Variants in ZNF804A observed in about 807,000 individuals in gnomAD.
The protein encoded by ZNF804A is zinc finger protein 804A.
Under a neutral mutation model 16.5 loss-of-function variants are expected in ZNF804A, and 2 were observed. That is an observed-to-expected ratio of 0.12 (90% CI 0.05 to 0.38). The LOEUF (loss-of-function observed/expected upper bound fraction) is 0.38, where lower values mean the gene tolerates loss of function less well. ZNF804A is among the 10% of genes least tolerant of loss of function. ZNF804A has a pLI of 0.99. For synonymous variants in ZNF804A, 534 were observed against 489.6 expected, an observed-to-expected ratio of 1.09 and a Z score of -1.20; for missense variants, 1,473 against 1,390.7, an observed-to-expected ratio of 1.06 and a Z score of -0.94.
chr2:184,877,483 A>G (rs1032052916), intron 2 of ZNF804A, among the ~76,000 whole-genome samples: 2 of 152,012 alleles, frequency 1.3e-5, no homozygotes, highest in Non-Finnish European at 2.9e-5. Flanking sequence ...TCAAGAACCA[A>G]ACCTTAAATT....
At chr2:184,837,273 A>G (rs1016924206) in intron 1 of ZNF804A, among the ~76,000 whole-genome samples, 15 of 152,074 alleles carry the variant, frequency 9.9e-5, no homozygotes, top group African/African-American at 3.6e-4. Context: ...GTGATTGGTA[A>G]ACAGTAGGTT....
intron 1 of ZNF804A, among the ~76,000 whole-genome samples, chr2:184,766,191 A>G (rs543775668): frequency 1.6e-4 from 25 of 152,164 alleles, no homozygotes; most frequent in Non-Finnish European, 3.1e-4. Context: ...TGCTAAACAC[A>G]CCAAATTAAT....
At chr2:184,763,629 G>C (rs975957310) in intron 1 of ZNF804A, among the ~76,000 whole-genome samples, 3 of 59,128 alleles carry the variant, frequency 5.1e-5, no homozygotes, top group African/African-American at 1.9e-4. Context: ...TCTTCAAAGT[G>C]CTTTTTTTTT....
Position 184,936,429 on chromosome 2 carries a change from G to C in ZNF804A, c.1033G>C (p.Asp345His). The C allele has an allele frequency of 6.2e-7, 1 of 1,613,840 alleles. No individual in the cohort carries two copies. The highest frequency in any genetic ancestry group is 1.1e-5 in the South Asian group (1 of 91,052). ...IPLESVVINEDIPVSGNSFEL... is the reference protein window; with the variant it reads ...IPLESVVINEHIPVSGNSFEL... ...ACTAGAGAGTGTTGTTATTAATGAA[G>C]ACATACCTGTTAGTGGTAACAGTTT... is the stretch of plus-strand genomic sequence containing the variant. Residue 345 changes from aspartate to histidine, a missense_variant, in exon 4 of 4, where the codon GAC becomes CAC. Coordinates refer to ENST00000302277, the MANE Select transcript of ZNF804A (RefSeq NM_194250.2).
intron 1 of ZNF804A, among the ~76,000 whole-genome samples, chr2:184,811,695 T>A (rs1254818276): frequency 1.3e-5 from 2 of 151,992 alleles, no homozygotes; most frequent in African/African-American, 4.8e-5. Flanking sequence ...CTGAACTCCA[T>A]CCTGGGCAAC....
intron 1 of ZNF804A, among the ~76,000 whole-genome samples, chr2:184,615,850 A>G (rs1432132758): frequency 1.3e-5 from 2 of 152,142 alleles, no homozygotes; most frequent in Non-Finnish European, 2.9e-5. Flanking sequence ...CAGGGTTAAG[A>G]GAAGGGAGTC....
intron 2 of ZNF804A, among the ~76,000 whole-genome samples, chr2:184,898,211 A>C (rs1474361604): frequency 1.3e-5 from 2 of 152,140 alleles, no homozygotes; most frequent in African/African-American, 2.4e-5. Flanking sequence ...GAGCATTAGA[A>C]ATTTCTTGTA....
At chr2:184,913,131 C>A (rs151294878) in intron 2 of ZNF804A, among the ~76,000 whole-genome samples, 1 of 151,958 alleles carries the variant, frequency 6.6e-6, no homozygotes, top group East Asian at 1.9e-4. Context: ...ATGTTCAATA[C>A]CATTCTTTTG....
At chr2:184,749,644 T>C (rs1383948209) in intron 1 of ZNF804A, among the ~76,000 whole-genome samples, 3 of 151,356 alleles carry the variant, frequency 2.0e-5, no homozygotes, top group Admixed American at 6.6e-5. Context: ...GTTTTAACAG[T>C]ATAATAAAAG....
chr2:184,875,254 A>C (rs1696035510), intron 2 of ZNF804A, among the ~76,000 whole-genome samples: 1 of 152,162 alleles, frequency 6.6e-6, no homozygotes, highest in South Asian at 2.1e-4. Context: ...TCTCATGTGG[A>C]AATTTGATCC....
chr2:184,937,218 A>G lies in ZNF804A; in HGVS notation c.1822A>G (p.Met608Val), dbSNP rs776017545. 1.6e-5 allele frequency: 26 copies of G among 1,608,388 alleles called. No individual in the cohort carries two copies. The South Asian group carries it at 2.4e-4, about 15-fold the overall frequency. Residue 608 changes from methionine (M) to valine (V), a missense_variant, in exon 4 of 4, where the codon ATG (methionine) becomes GTG (valine). Met to Val is a conservative substitution (Grantham distance 21). Coordinates refer to ENST00000302277, the MANE Select transcript of ZNF804A (RefSeq NM_194250.2). ...AAAAAAGTTATGTCAGCATCATCAT[A>G]TGGAGAAAACCAAAGAATCAGAAAC... ...KRKKLCQHHH[M>V]EKTKESETRC...
chr2:184,756,104 G>GT (rs35350722), intron 1 of ZNF804A, among the ~76,000 whole-genome samples: 1 of 151,692 alleles, frequency 6.6e-6, no homozygotes, highest in Non-Finnish European at 1.5e-5. Flanking sequence ...TGTTTATAGA[G>GT]TTTTTTTCCT....
intron 1 of ZNF804A, among the ~76,000 whole-genome samples, chr2:184,653,797 C>G (rs763314976): frequency 1.3e-5 from 2 of 152,186 alleles, no homozygotes; most frequent in Non-Finnish European, 2.9e-5. Flanking sequence ...TATACTCCAG[C>G]AGTTTGGCTT....
At position 184,807,864 on chromosome 2, in the gene ZNF804A, C is replaced by T. The variant is rs528205932; in HGVS notation, c.112-58505C>T. ...TGGCCTTGAATATTTGTACAAAGAC[C>T]AATATTATTTAGAGAAAGGGCAAGA... On this transcript the variant is annotated intron_variant, in intron 1 of 3. Coordinates refer to ENST00000302277, the MANE Select transcript of ZNF804A (RefSeq NM_194250.2). Among the ~76,000 whole-genome samples the T allele has an allele frequency of 2.6e-5, 4 of 151,400 alleles. No homozygotes were observed. In the East Asian group the frequency reaches 5.8e-4, roughly 22 times the overall value.
intron 1 of ZNF804A, among the ~76,000 whole-genome samples, chr2:184,698,509 T>G (rs903835571): frequency 9.9e-5 from 15 of 152,208 alleles, no homozygotes; most frequent in African/African-American, 3.4e-4. Flanking sequence ...CAATTGTTTT[T>G]TGAGGGAACA....
intron 2 of ZNF804A, among the ~76,000 whole-genome samples, chr2:184,869,872 A>C (rs1371213490): frequency 6.6e-6 from 1 of 152,062 alleles, no homozygotes; most frequent in African/African-American, 2.4e-5. Context: ...TTTCATCCAC[A>C]TTCTCTTTGC....
chr2:184,818,843 G>C (rs1695025834), intron 1 of ZNF804A, among the ~76,000 whole-genome samples: 1 of 151,930 alleles, frequency 6.6e-6, no homozygotes. Context: ...AAGGGGTTCA[G>C]TTCAACTGGA....
rs1695633373 is a variant in ZNF804A at position 184,853,276 on chromosome 2, G to A, written c.112-13093G>A. On this transcript the variant is annotated intron_variant, in intron 1 of 3. Coordinates refer to ENST00000302277, the MANE Select transcript of ZNF804A (RefSeq NM_194250.2). Reference sequence around the variant, plus strand: ...ATTAGTGATTTTTTATATGTTGATTGCATATACTACAACTTTAGTGAATTT... The same window carrying A: ...ATTAGTGATTTTTTATATGTTGATTACATATACTACAACTTTAGTGAATTT... Among the ~76,000 whole-genome samples the A allele has an allele frequency of 2.0e-5, 3 of 151,774 alleles. No homozygotes were observed. In the South Asian group the frequency reaches 6.2e-4, roughly 31 times the overall value.
chr2:184,882,431 T>TTTGG (rs1463953405), intron 2 of ZNF804A, among the ~76,000 whole-genome samples: 1 of 152,030 alleles, frequency 6.6e-6, no homozygotes, highest in African/African-American at 2.4e-5. Flanking sequence ...TATTCAGGAC[T>TTTGG]TGAACATAAC....
Sources: gnomAD v4.1 joint callset for allele counts (sites outside exome capture counted in the v4.1 genomes callset) on GRCh38, gnomAD v4.1.1 for gene constraint, MANE v1.5 for transcripts, NCBI Gene and HGNC (gene_info 2026-07-23, HGNC 2026-07-21) for gene names.